ARHGAP44: variants seen among roughly 807,000 people sequenced by gnomAD.
The protein encoded by ARHGAP44 is Rho GTPase activating protein 44, also known as rho GTPase-activating protein 44.
In ARHGAP44, 43 loss-of-function variants were observed where a neutral mutation model predicts 106.8. The ratio of observed to expected loss-of-function variants is 0.40; its 90% CI spans 0.32 to 0.52. The LOEUF is 0.52. ARHGAP44 is among the 20% of genes least tolerant of loss of function. ARHGAP44 has a pLI of 0.48. For synonymous variants in ARHGAP44, 439 were observed against 410.3 expected (o/e 1.07, Z -0.85); for missense variants, 866 against 1,050.5 (o/e 0.82, Z 2.43).
intron 19 of ARHGAP44, among the ~76,000 whole-genome samples, chr17:12,980,623 C>G (rs2039807385): frequency 6.6e-6 from 1 of 152,172 alleles, no homozygotes; most frequent in South Asian, 2.1e-4. Flanking sequence ...GCTGCCTACC[C>G]CTAGATCACT....
intron 16 of ARHGAP44, among the ~76,000 whole-genome samples, chr17:12,967,101 AT>A (rs61542489): frequency 0.37 from 46,381 of 124,312 alleles, 7,186 homozygotes; most frequent in African/African-American, 0.51. Context: ...CTTCTTCCTC[AT>A]TTTTTTTTTT....
chr17:12,929,142 T>C (rs2038329888), intron 7 of ARHGAP44, 96 bp downstream of exon 7: 1 of 1,175,196 alleles, frequency 8.5e-7, no homozygotes, highest in African/African-American at 1.5e-5. Context: ...ACTCTGTCAG[T>C]GAGGCTCTAG....
At chr17:12,833,510 G>T (rs9895543) in intron 1 of ARHGAP44, among the ~76,000 whole-genome samples, 28,251 of 151,984 alleles carry the variant, frequency 0.19, 3,409 homozygotes, top group African/African-American at 0.34. Context: ...GGGCCCCTTG[G>T]ATTACCACCT....
At chr17:12,925,016 G>A (rs2038191596) in intron 6 of ARHGAP44, among the ~76,000 whole-genome samples, 1 of 152,128 alleles carries the variant, frequency 6.6e-6, no homozygotes, top group Non-Finnish European at 1.5e-5. Context: ...GCGGGGCAGT[G>A]TGAAGTCTTG....
intron 1 of ARHGAP44, among the ~76,000 whole-genome samples, chr17:12,803,293 G>A (rs1201611386): frequency 2.6e-5 from 4 of 151,820 alleles, no homozygotes; most frequent in Admixed American, 1.3e-4. Context: ...TTTTACTAGA[G>A]ATGGGGTTTC....
intron 1 of ARHGAP44, among the ~76,000 whole-genome samples, chr17:12,816,726 T>C (rs147853793): frequency 3.9e-4 from 60 of 152,284 alleles, no homozygotes; most frequent in Non-Finnish European, 7.5e-4. Flanking sequence ...TCTACGTGTG[T>C]ATGCATCTGA....
chr17:12,938,061 G>T (rs190583087), intron 7 of ARHGAP44, among the ~76,000 whole-genome samples: 39 of 150,384 alleles, frequency 2.6e-4, no homozygotes, highest in Admixed American at 1.8e-3. Flanking sequence ...TTGTGCCACT[G>T]CACTCCAGCC....
At chr17:12,878,938 T>TC in intron 1 of ARHGAP44, among the ~76,000 whole-genome samples, 1 of 152,238 alleles carries the variant, frequency 6.6e-6, no homozygotes, top group East Asian at 1.9e-4. Context: ...TTATTCCTCT[T>TC]TTATCAGCTA....
chr17:12,805,481 A>G (rs938152431), intron 1 of ARHGAP44, among the ~76,000 whole-genome samples: 1 of 152,156 alleles, frequency 6.6e-6, no homozygotes, highest in Admixed American at 6.5e-5. Flanking sequence ...GCTTATATTC[A>G]TGCCTTCATA....
chr17:12,975,007 G>A (rs760449849), intron 18 of ARHGAP44, among the ~76,000 whole-genome samples: 6 of 152,036 alleles, frequency 3.9e-5, no homozygotes, highest in Non-Finnish European at 7.4e-5. Flanking sequence ...GTGCCACCAT[G>A]CTTGGCTAAT....
At chr17:12,969,601 C>T (rs921833137) in intron 16 of ARHGAP44, among the ~76,000 whole-genome samples, 1 of 152,112 alleles carries the variant, frequency 6.6e-6, no homozygotes, top group African/African-American at 2.4e-5. Flanking sequence ...GTGGAGTCAC[C>T]ACGTTATACC....
At chr17:12,849,380 CTG>C (rs1344985362) in intron 1 of ARHGAP44, among the ~76,000 whole-genome samples, 1 of 152,090 alleles carries the variant, frequency 6.6e-6, no homozygotes, top group Non-Finnish European at 1.5e-5. Context: ...CCGTACCAAT[CTG>C]TGAGTTTGTG....
At chr17:12,865,893 G>A (rs896644862) in intron 1 of ARHGAP44, among the ~76,000 whole-genome samples, 2 of 151,782 alleles carry the variant, frequency 1.3e-5, no homozygotes, top group African/African-American at 4.8e-5. Context: ...ACTTTATACT[G>A]TATCGTAAGT....
chr17:12,888,740 A>G (rs1445609628), intron 1 of ARHGAP44, among the ~76,000 whole-genome samples: 1 of 152,114 alleles, frequency 6.6e-6, no homozygotes, highest in Admixed American at 6.6e-5. Flanking sequence ...TCATTGTATC[A>G]GTTTTTTGCT....
chr17:12,868,485 A>G (rs1292704185), intron 1 of ARHGAP44, among the ~76,000 whole-genome samples: 1 of 150,974 alleles, frequency 6.6e-6, no homozygotes, highest in African/African-American at 2.4e-5. Context: ...CCAAAACCAC[A>G]TGCAAGATCG....
intron 1 of ARHGAP44, among the ~76,000 whole-genome samples, chr17:12,805,022 A>G (rs919302895): frequency 3.3e-5 from 5 of 152,218 alleles, no homozygotes; most frequent in African/African-American, 1.2e-4. Flanking sequence ...TTAGAAAGCA[A>G]TTAAATATGC....
In ARHGAP44 at chr17:12,858,070, C is replaced by T. The variant is rs565063086; in HGVS notation, c.54-36870C>T. 1.2e-4 allele frequency among the ~76,000 whole-genome samples: 18 copies of T among 152,210 alleles called. No homozygotes were observed. In the South Asian group the frequency reaches 1.9e-3, roughly 16 times the overall value. On this transcript the variant is annotated intron_variant, in intron 1 of 20. Coordinates refer to ENST00000379672, the MANE Select transcript of ARHGAP44 (RefSeq NM_014859.6). ...ATATTTTGAGATACCAGCATTTACT[C>T]GCAGTTGGAAGGAAGAACAGGACTA... is the stretch of plus-strand genomic sequence containing the variant.
intron 1 of ARHGAP44, among the ~76,000 whole-genome samples, chr17:12,838,905 C>T (rs1567640904): frequency 6.6e-6 from 1 of 152,056 alleles, no homozygotes; most frequent in Admixed American, 6.6e-5. Context: ...TGGGGTTTCA[C>T]CATGTTGGCC....
In ARHGAP44 at chr17:12,789,852, T is replaced by A; in HGVS notation, c.14T>A (p.Phe5Tyr). 1 of 1,524,360 alleles carries A rather than the reference T, an allele frequency of 6.6e-7. No individual in the cohort carries two copies. Among genetic ancestry groups the A allele is most frequent in the Non-Finnish European group, 8.8e-7 (1 of 1,138,682 alleles). The allele number at this position is 1,524,360 out of a possible 1,614,324, so 94.4% of individuals were successfully genotyped here. The change falls in exon 1 of 21, where the codon TTC becomes TAC. Residue 5 changes from phenylalanine to tyrosine, a missense_variant. Phe to Tyr is a conservative substitution (Grantham distance 22). This residue lies in a region of ARHGAP44 where 448 missense variants were observed against 646.9 expected (regional missense o/e 0.69). Coordinates refer to ENST00000379672, the MANE Select transcript of ARHGAP44 (RefSeq NM_014859.6). Reference protein sequence around the residue: MKKQFNRMRQLANQT... With the variant: MKKQYNRMRQLANQT... ...AGCGGGGCCACGATGAAGAAGCAGT[T>A]CAATCGCATGCGCCAGCTGGCCAAC...
Sources: gnomAD v4.1 joint callset for allele counts (sites outside exome capture counted in the v4.1 genomes callset) on GRCh38, gnomAD v4.1.1 for gene constraint, gnomAD v4.1.1 regional missense constraint, MANE v1.5 for transcripts, NCBI Gene and HGNC (gene_info 2026-07-23, HGNC 2026-07-21) for gene names.